TBC1D19: variants seen among roughly 807,000 people sequenced by gnomAD.
TBC1D19 encodes the protein TBC1 domain family, member 19.
Under a neutral mutation model 89.0 loss-of-function variants are expected in TBC1D19, and 60 were observed. The observed-to-expected ratio is 0.67, with a 90% CI of 0.55 to 0.84. The LOEUF (loss-of-function observed/expected upper bound fraction) is 0.84, where lower values mean the gene tolerates loss of function less well. Among genes scored for constraint, TBC1D19 ranks in the 40% least tolerant of loss-of-function variants. The pLI is 0.00. For missense variants in TBC1D19, 500 were observed against 610.8 expected (o/e 0.82, Z 1.91); for synonymous variants, 189 against 199.7 (o/e 0.95, Z 0.45).
intron 1 of TBC1D19, among the ~76,000 whole-genome samples, chr4:26,596,182 C>T (rs1020256840): frequency 6.6e-6 from 1 of 152,102 alleles, no homozygotes; most frequent in African/African-American, 2.4e-5. Context: ...GTCTCAAACT[C>T]CTGGCCTCAT....
Position 26,737,323 on chromosome 4 carries a change from A to C in TBC1D19, c.1117+1836A>C, listed in dbSNP as rs76879733. On this transcript the variant is annotated intron_variant, in intron 16 of 20. Transcript: ENST00000264866. ...CTTATATATGTGAAGAATTTAAAAT[A>C]GAAAACCAAAAAAGATTAATAATAT... 9.9e-3 allele frequency among the ~76,000 whole-genome samples: 1,509 copies of C among 152,296 alleles called. 32 individuals are homozygous for C. Among genetic ancestry groups the C allele is most frequent in the Non-Finnish European group, 0.011 (743 of 68,014 alleles).
chr4:26,697,257 A>G (rs541162861), intron 13 of TBC1D19, among the ~76,000 whole-genome samples: 29 of 152,240 alleles, frequency 1.9e-4, no homozygotes, highest in Admixed American at 6.5e-4. Context: ...GAAAATCTAG[A>G]AGAAATGGAT....
chr4:26,852,778 C>T, the TBC1D19 span, among the ~76,000 whole-genome samples: 1 of 151,546 alleles, frequency 6.6e-6, no homozygotes, highest in Admixed American at 6.5e-5. Flanking sequence ...TGCCACCATG[C>T]CCAGCTAATT....
intron 3 of TBC1D19, among the ~76,000 whole-genome samples, chr4:26,614,843 A>T (rs1741583450): frequency 6.6e-6 from 1 of 151,920 alleles, no homozygotes; most frequent in Admixed American, 6.6e-5. Flanking sequence ...ACACCTGGCT[A>T]ATTTTTGTAT....
At chr4:26,744,019 T>C (rs1027802654) in intron 18 of TBC1D19, among the ~76,000 whole-genome samples, 5 of 151,704 alleles carry the variant, frequency 3.3e-5, no homozygotes, top group Non-Finnish European at 7.4e-5. Flanking sequence ...AATCATTTTT[T>C]TAAAAACTGA....
At chr4:26,658,020 T>C (rs1400125551) in intron 7 of TBC1D19, among the ~76,000 whole-genome samples, 1 of 152,226 alleles carries the variant, frequency 6.6e-6, no homozygotes, top group African/African-American at 2.4e-5. Flanking sequence ...AAAATTTTTC[T>C]CCCATTCTGT....
chr4:26,714,971 G>A (rs1716492828), intron 13 of TBC1D19, among the ~76,000 whole-genome samples: 1 of 151,944 alleles, frequency 6.6e-6, no homozygotes, highest in African/African-American at 2.4e-5. Context: ...AATGCCTCAA[G>A]TCTCAGTTCT....
chr4:26,818,561 G>A, the TBC1D19 span, among the ~76,000 whole-genome samples: 5 of 152,096 alleles, frequency 3.3e-5, no homozygotes, highest in African/African-American at 1.2e-4. Context: ...TGGCCTCAAT[G>A]TAAAATTTTG....
the TBC1D19 span, among the ~76,000 whole-genome samples, chr4:26,772,309 C>T: frequency 2.6e-5 from 4 of 152,154 alleles, no homozygotes; most frequent in African/African-American, 7.2e-5. Context: ...AGACTTGGTG[C>T]ACAGCCAGAG....
chr4:26,829,673 A>T, the TBC1D19 span, among the ~76,000 whole-genome samples: 41 of 152,338 alleles, frequency 2.7e-4, no homozygotes, highest in African/African-American at 9.9e-4. Flanking sequence ...AGGCTAAGCA[A>T]TGAATCTGAA....
chr4:26,664,864 G>A (rs1376024632), intron 8 of TBC1D19, among the ~76,000 whole-genome samples: 2 of 152,090 alleles, frequency 1.3e-5, no homozygotes, highest in African/African-American at 2.4e-5. Context: ...GGTTGGTCGA[G>A]TGTGAGCTGA....
chr4:26,835,095 G>A, the TBC1D19 span, among the ~76,000 whole-genome samples: 1 of 152,204 alleles, frequency 6.6e-6, no homozygotes, highest in Non-Finnish European at 1.5e-5. Context: ...TGGCAAATGT[G>A]AATAAGTTAA....
intron 3 of TBC1D19, 127 bp downstream of exon 3, chr4:26,614,580 C>T: frequency 1.9e-6 from 1 of 525,156 alleles, no homozygotes; most frequent in Non-Finnish European, 3.1e-6. Flanking sequence ...TACAGCATTT[C>T]AAGTAAGTTG....
the TBC1D19 span, among the ~76,000 whole-genome samples, chr4:26,844,792 CCTT>C: frequency 6.6e-6 from 1 of 151,986 alleles, no homozygotes; most frequent in African/African-American, 2.4e-5. Context: ...CCGCTTTTCT[CCTT>C]AATAACCTAT....
intron 13 of TBC1D19, among the ~76,000 whole-genome samples, chr4:26,697,734 C>A (rs1714935195): frequency 6.6e-6 from 1 of 152,134 alleles, no homozygotes; most frequent in Non-Finnish European, 1.5e-5. Flanking sequence ...CCAAATCCAG[C>A]ATATAAACAG....
chr4:26,581,095 A>G (rs934113534), upstream of TBC1D19, among the ~76,000 whole-genome samples: 2 of 152,216 alleles, frequency 1.3e-5, no homozygotes, highest in African/African-American at 2.4e-5. Flanking sequence ...TTAACTATTC[A>G]GATAAAATTG....
At chr4:26,586,335 G>A (rs978647416) in intron 1 of TBC1D19, among the ~76,000 whole-genome samples, 1 of 151,760 alleles carries the variant, frequency 6.6e-6, no homozygotes, top group South Asian at 2.1e-4. Context: ...TGATCTATTT[G>A]TTCATCATAC....
the TBC1D19 span, among the ~76,000 whole-genome samples, chr4:26,773,075 G>A: frequency 6.6e-6 from 1 of 152,090 alleles, no homozygotes; most frequent in African/African-American, 2.4e-5. Context: ...AATTTACACT[G>A]CCATCAACAG....
chr4:26,654,387 G>T (rs570533460), intron 7 of TBC1D19, among the ~76,000 whole-genome samples: 1 of 152,054 alleles, frequency 6.6e-6, no homozygotes, highest in Non-Finnish European at 1.5e-5. Flanking sequence ...TCTTTCTGGC[G>T]TTCTCTGTAT....
Sources: allele counts gnomAD v4.1 joint callset (sites outside exome capture counted in the v4.1 genomes callset), GRCh38; gene constraint gnomAD v4.1.1; transcripts MANE v1.5; gene names NCBI Gene and HGNC (gene_info 2026-07-23, HGNC 2026-07-21).